Variants in RP1 observed in about 807,000 individuals in gnomAD.
The protein encoded by RP1 is oxygen-regulated protein 1.
A neutral mutation model predicts 14.8 loss-of-function variants in RP1; 16 were observed. That is an observed-to-expected ratio of 1.08 (90% confidence interval 0.73 to 1.65). RP1 has a LOEUF of 1.65. RP1 is among the 40% of genes most tolerant of loss of function. RP1 has a pLI of 0.00. For missense variants in RP1, 2,631 were observed against 2,535.0 expected, an observed-to-expected ratio of 1.04 and a Z score of -0.81; for synonymous variants, 876 against 883.6, an observed-to-expected ratio of 0.99 and a Z score of 0.15.
intron 19 of RP1, among the ~76,000 whole-genome samples, chr8:54,754,107 C>A (rs1245145167): frequency 6.6e-6 from 1 of 152,066 alleles, no homozygotes; most frequent in Non-Finnish European, 1.5e-5. Flanking sequence ...GGAACAGCCA[C>A]CAAAGGGGCT....
At chr8:54,706,625 A>C in exon 15 of RP1, 1 of 1,536,108 alleles carries the variant, frequency 6.5e-7, no homozygotes, top group Non-Finnish European at 8.7e-7. Context: ...AAATGTATCT[A>C]AGAATCAAGG....
intron 4 of RP1, among the ~76,000 whole-genome samples, chr8:54,650,577 C>T (rs904476125): frequency 2.0e-5 from 3 of 151,974 alleles, no homozygotes; most frequent in Admixed American, 6.6e-5. Context: ...GTTATGCAGT[C>T]ACTCCCTGTT....
chr8:54,726,608 C>A, intron 17 of RP1: 1 of 855,610 alleles, frequency 1.2e-6, no homozygotes, highest in Non-Finnish European at 1.6e-6. Context: ...TGCTTGTAAG[C>A]TGTTATCTTG....
At chr8:54,832,621 CT>C (rs1187144984) in intron 24 of RP1, among the ~76,000 whole-genome samples, 29 of 151,614 alleles carry the variant, frequency 1.9e-4, no homozygotes, top group Admixed American at 2.6e-4. Context: ...TTTTTATTAA[CT>C]CCTTTTTTTA....
chr8:54,841,201 T>A (rs1811782482), intron 25 of RP1, among the ~76,000 whole-genome samples: 1 of 152,212 alleles, frequency 6.6e-6, no homozygotes, highest in Non-Finnish European at 1.5e-5. Flanking sequence ...TTCCTTGATT[T>A]GGCTTTGAGA....
chr8:54,726,967 G>A (rs1272741508), intron 17 of RP1, among the ~76,000 whole-genome samples: 3 of 151,822 alleles, frequency 2.0e-5, no homozygotes, highest in Non-Finnish European at 2.9e-5. Context: ...TTTATCTGAC[G>A]GGAAAGTATA....
intron 24 of RP1, among the ~76,000 whole-genome samples, chr8:54,793,907 A>G (rs925795002): frequency 6.6e-6 from 1 of 151,936 alleles, no homozygotes; most frequent in Non-Finnish European, 1.5e-5. Context: ...ACATAATCTT[A>G]CATATAGAAA....
rs414352 is a variant in RP1, at chr8:54,628,953, T to C, written c.5071T>C (p.Ser1691Pro). The C allele has an allele frequency of 0.27, 436,997 of 1,613,824 alleles. 60,729 individuals carry two copies. The highest frequency in any genetic ancestry group is 0.41 in the East Asian group (18,263 of 44,852). ...GSSEQVSSSS[S>P]MLQEFQEERQ... is the part of the protein sequence containing the mutation. ...TTCTGAACAGGTATCTAGTAGTTCA[T>C]CTATGTTGCAGGAATTCCAGGAGGA... The change falls in exon 4 of 4, where the codon TCT (serine) becomes CCT (proline). Residue 1691 changes from serine to proline, a missense_variant. Ser to Pro is a moderately conservative substitution (Grantham distance 74). Coordinates refer to ENST00000220676, the MANE Select transcript of RP1 (RefSeq NM_006269.2).
At chr8:54,830,315 G>C (rs1452118272) in intron 24 of RP1, among the ~76,000 whole-genome samples, 1 of 151,164 alleles carries the variant, frequency 6.6e-6, no homozygotes, top group African/African-American at 2.4e-5. Context: ...AAGTTCTGGG[G>C]TACATGTGCA....
chr8:54,859,415 C>T (rs1812288424), intron 27 of RP1, among the ~76,000 whole-genome samples: 1 of 147,192 alleles, frequency 6.8e-6, no homozygotes, highest in African/African-American at 2.5e-5. Flanking sequence ...GGTGTCAGTG[C>T]AGGGTGGTGT....
intron 5 of RP1, among the ~76,000 whole-genome samples, chr8:54,653,800 A>G (rs541786741): frequency 6.6e-6 from 1 of 152,320 alleles, no homozygotes; most frequent in South Asian, 2.1e-4. Context: ...AGAGCTTTTG[A>G]AGTATGATAT....
intron 24 of RP1, among the ~76,000 whole-genome samples, chr8:54,797,184 T>C (rs768695636): frequency 4.6e-5 from 7 of 152,142 alleles, no homozygotes; most frequent in Non-Finnish European, 1.0e-4. Flanking sequence ...GGAGTAAATG[T>C]TAGAGTCAGA....
rs753566060 is a variant in RP1 at position 54,621,399 on chromosome 8, G to C, written c.433G>C (p.Ala145Pro). The C allele has an allele frequency of 6.2e-7, 1 of 1,613,080 alleles. No homozygotes were observed. The highest frequency in any genetic ancestry group is 1.1e-5 in the South Asian group (1 of 91,058). ...CTCACCGCCCCACCCCGTAGCCGTC[G>C]CTGCTCCCGGCATGCCCCGCCCCCC... ...AHSPPHPVAV[A>P]APGMPRPPRS... is the part of the protein sequence containing the mutation. The change falls in exon 2 of 4, where the codon GCT becomes CCT. Residue 145 changes from alanine to proline, a missense_variant. Coordinates refer to ENST00000220676, the MANE Select transcript of RP1 (RefSeq NM_006269.2).
chr8:54,729,068 A>G (rs1808729018), intron 17 of RP1, among the ~76,000 whole-genome samples: 1 of 152,228 alleles, frequency 6.6e-6, no homozygotes, highest in Non-Finnish European at 1.5e-5. Flanking sequence ...GCATAATTTT[A>G]AGTTTGGAAA....
chr8:54,763,514 C>T (rs374222707), intron 22 of RP1, among the ~76,000 whole-genome samples: 53 of 152,256 alleles, frequency 3.5e-4, no homozygotes, highest in African/African-American at 1.3e-3. Flanking sequence ...AACCATGTCT[C>T]TACTAAAAAT....
chr8:54,574,511 C>T (rs1218913103), intron 1 of RP1, among the ~76,000 whole-genome samples: 1 of 151,904 alleles, frequency 6.6e-6, no homozygotes, highest in East Asian at 1.9e-4. Flanking sequence ...AAGAGAGAGG[C>T]ATAAAGGGGA....
intron 6 of RP1, among the ~76,000 whole-genome samples, chr8:54,658,272 C>T (rs1585585480): frequency 6.7e-6 from 1 of 149,876 alleles, no homozygotes; most frequent in African/African-American, 2.5e-5. Flanking sequence ...ACTGCGTAGG[C>T]CGGGCGCGGT....
At chr8:54,772,245 G>GTA (rs1420484323), downstream of RP1, among the ~76,000 whole-genome samples, 1 of 152,016 alleles carries the variant, frequency 6.6e-6, no homozygotes, top group East Asian at 1.9e-4. Context: ...AATGTTTTCA[G>GTA]TATCCATTGC....
chr8:54,828,401 T>C (rs765065625), intron 24 of RP1, among the ~76,000 whole-genome samples: 11 of 152,140 alleles, frequency 7.2e-5, no homozygotes, highest in Non-Finnish European at 1.5e-4. Flanking sequence ...GAGTTCCTGC[T>C]CTTAATTCTC....
Sources: gnomAD v4.1 joint callset for allele counts (sites outside exome capture counted in the v4.1 genomes callset) on GRCh38, gnomAD v4.1.1 for gene constraint, MANE v1.5 for transcripts, NCBI Gene and HGNC (gene_info 2026-07-23, HGNC 2026-07-21) for gene names.